Variants in PRR5L observed in about 807,000 individuals in gnomAD.
PRR5L encodes proline-rich protein 5-like.
PRR5L carries 21 observed loss-of-function variants against 36.4 expected under a neutral mutation model. The ratio of observed to expected loss-of-function variants is 0.58; its 90% confidence interval spans 0.41 to 0.83. The LOEUF (loss-of-function observed/expected upper bound fraction) is 0.83. Ranked by LOEUF, PRR5L falls within the 40% of genes least tolerant of loss-of-function variation. The pLI, the probability that PRR5L is intolerant of heterozygous loss-of-function variation, is 0.00. For missense variants in PRR5L, 381 were observed against 473.3 expected, an observed-to-expected ratio of 0.80 and a Z score of 1.81; for synonymous variants, 188 against 197.0, an observed-to-expected ratio of 0.95 and a Z score of 0.38.
Position 36,374,109 on chromosome 11 carries a change from T to TTCCTTCCTGC in PRR5L, c.-125-26888_-125-26887insTCCTTCCTGC, listed in dbSNP as rs1351828227. Among the ~76,000 whole-genome samples, 175 of 74,224 alleles carry TTCCTTCCTGC rather than the reference T, an allele frequency of 2.4e-3. 3 individuals are homozygous for TTCCTTCCTGC. Among genetic ancestry groups the TTCCTTCCTGC allele is most frequent in the Non-Finnish European group, 3.5e-3 (110 of 31,568 alleles). 48.7% of individuals were successfully genotyped at this position (74,224 alleles called of 152,430 possible). A position where few individuals can be genotyped will look rare whatever the true frequency, so the allele number is the denominator to read the frequency against. ...TCCTTCCTTCCTTCCTTCCTTCCTC[T>TTCCTTCCTGC]CTCTCTCTCTCTCTTTCTTTCTTTG... On this transcript the variant is annotated intron_variant, in intron 1 of 8. Transcript: ENST00000530639.
chr11:36,454,303 T>C (rs1035492436), intron 8 of PRR5L, among the ~76,000 whole-genome samples: 6 of 152,088 alleles, frequency 3.9e-5, no homozygotes, highest in African/African-American at 7.2e-5. Context: ...CTCTGGATAC[T>C]AAGAAGCTAA....
intron 5 of PRR5L, among the ~76,000 whole-genome samples, chr11:36,432,285 T>C (rs1233042669): frequency 6.6e-6 from 1 of 152,176 alleles, no homozygotes; most frequent in Non-Finnish European, 1.5e-5. Flanking sequence ...TCCCGAGCTA[T>C]TTCCTACAGG....
At chr11:36,350,814 T>C (rs1030194043) in intron 1 of PRR5L, among the ~76,000 whole-genome samples, 1 of 149,482 alleles carries the variant, frequency 6.7e-6, no homozygotes, top group Non-Finnish European at 1.5e-5. Flanking sequence ...CTTGAGTTAC[T>C]TCATTTAGAA....
chr11:36,435,015 C>T (rs535776946), intron 5 of PRR5L, among the ~76,000 whole-genome samples: 2 of 152,164 alleles, frequency 1.3e-5, no homozygotes, highest in African/African-American at 2.4e-5. Flanking sequence ...CTCTTCTTCC[C>T]CTCCTTCAGG....
At chr11:36,427,990 C>T (rs873615) in intron 4 of PRR5L, among the ~76,000 whole-genome samples, 82,315 of 152,070 alleles carry the variant, frequency 0.54, 23,002 homozygotes, top group Non-Finnish European at 0.6. Context: ...CGAGAGGTCC[C>T]CATTGAGTCA....
At chr11:36,399,487 G>A (rs1024903015) in intron 1 of PRR5L, among the ~76,000 whole-genome samples, 8 of 152,196 alleles carry the variant, frequency 5.3e-5, no homozygotes, top group Admixed American at 2.6e-4. Flanking sequence ...TGTTTGATTT[G>A]GAGGTGAGAC....
At chr11:36,365,263 C>G (rs1190619776) in intron 1 of PRR5L, among the ~76,000 whole-genome samples, 2 of 148,574 alleles carry the variant, frequency 1.3e-5, no homozygotes, top group Non-Finnish European at 3.0e-5. Flanking sequence ...TTTTTTTTTT[C>G]TCTGTAAATT....
intron 1 of PRR5L, among the ~76,000 whole-genome samples, chr11:36,337,445 C>A (rs1381353687): frequency 6.6e-6 from 1 of 152,196 alleles, no homozygotes; most frequent in African/African-American, 2.4e-5. Flanking sequence ...GAACTGTGAG[C>A]AATAAATGTA....
At chr11:36,412,806 C>T (rs2133572922) in intron 3 of PRR5L, among the ~76,000 whole-genome samples, 1 of 152,242 alleles carries the variant, frequency 6.6e-6, no homozygotes, top group Non-Finnish European at 1.5e-5. Context: ...AGATCACTCT[C>T]TCATAGGGCC....
intron 1 of PRR5L, among the ~76,000 whole-genome samples, chr11:36,339,257 C>T (rs556067642): frequency 2.0e-5 from 3 of 152,212 alleles, no homozygotes; most frequent in Non-Finnish European, 4.4e-5. Flanking sequence ...CCACACCCAG[C>T]TAATTTTTGT....
At chr11:36,412,210 G>A (rs1458798429) in intron 3 of PRR5L, among the ~76,000 whole-genome samples, 2 of 152,072 alleles carry the variant, frequency 1.3e-5, no homozygotes, top group Non-Finnish European at 1.5e-5. Context: ...GTTATCTCTG[G>A]CCTGTGCTTG....
At chr11:36,357,113 A>G (rs1331303794) in intron 1 of PRR5L, among the ~76,000 whole-genome samples, 2 of 152,228 alleles carry the variant, frequency 1.3e-5, no homozygotes, top group Non-Finnish European at 2.9e-5. Context: ...AGAAAATGTT[A>G]GTGGTTTGGA....
chr11:36,378,442 CCAACTG>C (rs1207366384), intron 1 of PRR5L, among the ~76,000 whole-genome samples: 6 of 152,134 alleles, frequency 3.9e-5, no homozygotes, highest in Admixed American at 1.3e-4. Flanking sequence ...TTCAGTTTTT[CCAACTG>C]CAACCATTGT....
chr11:36,376,458 G>A, intron 1 of PRR5L: 1 of 1,138,408 alleles, frequency 8.8e-7, no homozygotes, highest in Non-Finnish European at 1.1e-6. Flanking sequence ...GTTGACTCGC[G>A]CTGGAGAGGA....
rs760616313 is a variant in PRR5L, at chr11:36,462,612, G to A, written c.983G>A (p.Ser328Asn). The A allele has an allele frequency of 6.2e-7, 1 of 1,612,578 alleles. No individual in the cohort carries two copies. The highest frequency in any genetic ancestry group is 1.7e-5 in the Admixed American group (1 of 59,992). ...AACAAGTGCCTGCTCCTGCCACCCAGCTTCCCCCCGCCCCACCGGCAGTGC... is the reference window on the plus strand; with the variant it reads ...AACAAGTGCCTGCTCCTGCCACCCAACTTCCCCCCGCCCCACCGGCAGTGC... Reference protein sequence around the residue: ...SENKCLLLPPSFPPPHRQCSS... With the variant: ...SENKCLLLPPNFPPPHRQCSS... The change falls in exon 9 of 9, where the codon AGC (serine) becomes AAC (asparagine). Residue 328 changes from serine (S) to asparagine (N), a missense_variant. Ser to Asn is a conservative substitution (Grantham distance 46, BLOSUM62 1). Transcript: ENST00000530639.
intron 1 of PRR5L, among the ~76,000 whole-genome samples, chr11:36,342,945 G>T (rs1006273645): frequency 6.6e-6 from 1 of 152,218 alleles, no homozygotes; most frequent in Admixed American, 6.5e-5. Context: ...GGATAGAACT[G>T]CTTTAGAACA....
chr11:36,429,757 GACCA>G (rs1858455135), intron 4 of PRR5L, among the ~76,000 whole-genome samples: 1 of 152,190 alleles, frequency 6.6e-6, no homozygotes, highest in Non-Finnish European at 1.5e-5. Context: ...AGGTGAAAGG[GACCA>G]ACCAGGTGGA....
At chr11:36,328,033 A>G (rs1044786601) in intron 1 of PRR5L, among the ~76,000 whole-genome samples, 1 of 152,178 alleles carries the variant, frequency 6.6e-6, no homozygotes, top group African/African-American at 2.4e-5. Flanking sequence ...CTCAGAATAA[A>G]TCTCTTGAAA....
intron 1 of PRR5L, among the ~76,000 whole-genome samples, chr11:36,343,289 T>C (rs1003080129): frequency 6.6e-6 from 1 of 152,234 alleles, no homozygotes; most frequent in African/African-American, 2.4e-5. Flanking sequence ...GTGAGTGATA[T>C]GCAAGATTTG....
Sources: gnomAD v4.1 joint callset for allele counts (sites outside exome capture counted in the v4.1 genomes callset) on GRCh38, gnomAD v4.1.1 for gene constraint, MANE v1.5 for transcripts, NCBI Gene and HGNC (gene_info 2026-07-23, HGNC 2026-07-21) for gene names.